Variants in DNM2 observed in about 807,000 individuals in gnomAD.
DNM2 encodes the protein dynamin 2, also known as dynamin-2.
DNM2 carries 15 observed loss-of-function variants against 99.0 expected under a neutral mutation model. The observed-to-expected ratio is 0.15, with a 90% CI of 0.10 to 0.23. The LOEUF is 0.23. Among genes scored for constraint, DNM2 ranks in the 10% least tolerant of loss-of-function variants. The pLI, the probability that DNM2 is intolerant of heterozygous loss-of-function variation, is 1.00. For synonymous variants in DNM2, 525 were observed against 481.2 expected, an observed-to-expected ratio of 1.09 and a Z score of -1.19; for missense variants, 742 against 1,189.4, an observed-to-expected ratio of 0.62 and a Z score of 5.53.
Position 10,772,742 on chromosome 19 carries a change from G to A in DNM2, c.385+114G>A. ...GGTATCATGTGCCCATTCACAAACA[G>A]TTGATATTCACACACACATAGCCCC... On this transcript the variant is annotated intron_variant, in intron 3 of 20. Coordinates refer to ENST00000389253, the MANE Select transcript of DNM2 (RefSeq NM_001005361.3). The surrounding 1 kb of genome is among the most constrained non-coding windows in gnomAD (Gnocchi z 4.9). 1.3e-6 allele frequency: 2 copies of A among 1,490,240 alleles called. No individual in the cohort carries two copies. Among genetic ancestry groups the A allele is most frequent in the South Asian group, 2.4e-5 (2 of 84,724 alleles). 92.3% of individuals were successfully genotyped at this position (1,490,240 alleles called of 1,614,324 possible). A position where few individuals can be genotyped will look rare whatever the true frequency, so the allele number is the denominator to read the frequency against.
chr19:10,757,682 C>T (rs530295355), intron 1 of DNM2, among the ~76,000 whole-genome samples: 1 of 152,270 alleles, frequency 6.6e-6, no homozygotes, highest in East Asian at 1.9e-4. Flanking sequence ...CGGTGGCTCA[C>T]ACCTGTAAAC....
intron 11 of DNM2, 68 bp downstream of exon 11, chr19:10,798,640 T>G: frequency 1.3e-6 from 2 of 1,583,780 alleles, no homozygotes; most frequent in Non-Finnish European, 1.7e-6. Context: ...TACTGTTCTG[T>G]GCATGCTGAC....
intron 1 of DNM2, among the ~76,000 whole-genome samples, chr19:10,737,636 T>C (rs184695478): frequency 6.6e-6 from 1 of 152,138 alleles, no homozygotes; most frequent in African/African-American, 2.4e-5. Flanking sequence ...CAGGCGCACG[T>C]CAACATGCCC....
Position 10,830,618 on chromosome 19 carries a change from G to A in DNM2, c.2543+240G>A. The A allele has an allele frequency of 1.6e-6, 1 of 606,244 alleles. No individual in the cohort carries two copies. Among genetic ancestry groups the A allele is most frequent in the Non-Finnish European group, 2.9e-6 (1 of 347,804 alleles). 37.6% of individuals were successfully genotyped at this position (606,244 alleles called of 1,614,324 possible). On this transcript the variant is annotated intron_variant, in intron 20 of 20. Coordinates refer to ENST00000389253, the MANE Select transcript of DNM2 (RefSeq NM_001005361.3). This position sits in a 1 kb window ranked among gnomAD's most constrained non-coding sequence, Gnocchi z 4.8. ...CCCAGCTTGCCCTCTGCCTACTGGGGTGTGCCACCAGGCAGCTGGGGAACC... is the reference window on the plus strand; with the variant it reads ...CCCAGCTTGCCCTCTGCCTACTGGGATGTGCCACCAGGCAGCTGGGGAACC...
chr19:10,737,962 G>C (rs1219235306), intron 1 of DNM2, among the ~76,000 whole-genome samples: 1 of 152,192 alleles, frequency 6.6e-6, no homozygotes, highest in Non-Finnish European at 1.5e-5. Flanking sequence ...CACTGAGCAA[G>C]ACCCACTCAG....
chr19:10,821,206 A>G (rs75323668), intron 16 of DNM2, among the ~76,000 whole-genome samples: 1,562 of 152,186 alleles, frequency 0.01, 21 homozygotes, highest in African/African-American at 0.036. Context: ...CTGGCCGTGA[A>G]AACCTTCATA....
At chr19:10,733,693 A>T (rs10408089) in intron 1 of DNM2, among the ~76,000 whole-genome samples, 6,417 of 151,902 alleles carry the variant, frequency 0.042, 464 homozygotes, top group African/African-American at 0.15. Context: ...AGCTTTGGCA[A>T]CATAACCTCT....
chr19:10,752,209 CAGAAAGG>C (rs1245637356), intron 1 of DNM2, among the ~76,000 whole-genome samples: 1 of 152,016 alleles, frequency 6.6e-6, no homozygotes, highest in Non-Finnish European at 1.5e-5. Flanking sequence ...CTAACAAAGC[CAGAAAGG>C]AAAAAGGAAA....
intron 7 of DNM2, among the ~76,000 whole-genome samples, chr19:10,787,170 C>T (rs752796399): frequency 1.4e-4 from 22 of 151,790 alleles, no homozygotes; most frequent in Admixed American, 5.3e-4. Flanking sequence ...CCCGTCTCTA[C>T]TGAAATTGCA....
At chr19:10,799,221 C>T (rs1402333567) in intron 11 of DNM2, among the ~76,000 whole-genome samples, 1 of 152,040 alleles carries the variant, frequency 6.6e-6, no homozygotes, top group Non-Finnish European at 1.5e-5. Flanking sequence ...AGCGAGACCC[C>T]GTCTCTTAAA....
intron 1 of DNM2, among the ~76,000 whole-genome samples, chr19:10,741,119 T>C (rs561623661): frequency 7.9e-4 from 120 of 152,358 alleles, no homozygotes; most frequent in Middle Eastern, 3.4e-3. Flanking sequence ...TTCCTTGTTA[T>C]CTTTTATTTG....
rs565811210 is a variant in DNM2, at chr19:10,768,575, C to A, written c.236-3904C>A. The A allele has an allele frequency of 7.9e-5, 12 of 152,470 alleles. No individual in the cohort carries two copies. The East Asian group carries it at 2.1e-3, about 27-fold the overall frequency. The allele number at this position is 152,470 out of a possible 1,614,324, so 9.4% of individuals were successfully genotyped here. ...TCCAAAGTCTGGCATGTGAGTCTGG[C>A]TGCCTGGTTCCAGCCCCATCTCGTG... On this transcript the variant is annotated intron_variant, in intron 2 of 20. Coordinates refer to ENST00000389253, the MANE Select transcript of DNM2 (RefSeq NM_001005361.3).
At position 10,774,779 on chromosome 19, in the gene DNM2, AT is replaced by A. The variant is rs546734782; in HGVS notation, c.386-909del. Among the ~76,000 whole-genome samples, 789 of 84,256 alleles carry A rather than the reference AT, an allele frequency of 9.4e-3. 6 individuals carry two copies. Among genetic ancestry groups the A allele is most frequent in the African/African-American group, 0.025 (605 of 24,200 alleles). 55.3% of individuals were successfully genotyped at this position (84,256 alleles called of 152,430 possible). On this transcript the variant is annotated intron_variant, in intron 3 of 20. Transcript: ENST00000389253. ...CAGAATGTTTCTTTATTATATATTT[AT>A]TTTTTTTTTTTTTTGAGACAGGGTT...
In DNM2 at chr19:10,772,515, T is replaced by G; in HGVS notation, c.272T>G (p.Phe91Cys). ...AEFLHCKSKKFTDFDEVRQEI... is the reference protein window; with the variant it reads ...AEFLHCKSKKCTDFDEVRQEI... ...TTTTTGCACTGCAAGTCCAAAAAGT[T>G]TACAGACTTTGATGAAGTCCGGCAG... The change falls in exon 3 of 21, where the codon TTT becomes TGT. Residue 91 changes from phenylalanine to cysteine, a missense_variant. Transcript: ENST00000389253. This position sits in a 1 kb window ranked among gnomAD's most constrained non-coding sequence, Gnocchi z 4.9. 6.2e-7 allele frequency: 1 copy of G among 1,614,160 alleles called. No individual in the cohort carries two copies. Among genetic ancestry groups the G allele is most frequent in the Non-Finnish European group, 8.5e-7 (1 of 1,180,032 alleles).
At position 10,811,884 on chromosome 19, in the gene DNM2, G is replaced by A. The variant is rs775552249; in HGVS notation, c.1558-380G>A. On this transcript the variant is annotated intron_variant, in intron 14 of 20. Coordinates refer to ENST00000389253, the MANE Select transcript of DNM2 (RefSeq NM_001005361.3). This position sits in a 1 kb window ranked among gnomAD's most constrained non-coding sequence, Gnocchi z 5.4. ...CACCTTTGACCCTAGCCCTCTGTGT[G>A]GATGCTACCCTTGGAACCTTATCTC... The A allele has an allele frequency of 2.1e-6, 1 of 484,764 alleles. No homozygotes were observed. The highest frequency in any genetic ancestry group is 4.1e-6 in the Non-Finnish European group (1 of 243,108). The allele number at this position is 484,764 out of a possible 1,614,324, so 30.0% of individuals were successfully genotyped here. A position where few individuals can be genotyped will look rare whatever the true frequency, so the allele number is the denominator to read the frequency against.
chr19:10,734,712 T>C (rs2069460236), intron 1 of DNM2, among the ~76,000 whole-genome samples: 1 of 150,936 alleles, frequency 6.6e-6, no homozygotes, highest in South Asian at 2.1e-4. Context: ...ATGAGACTAA[T>C]TTAAAAAAAA....
At chr19:10,797,614 G>A in intron 10 of DNM2, 96 bp downstream of exon 10, 1 of 1,589,012 alleles carries the variant, frequency 6.3e-7, no homozygotes, top group Non-Finnish European at 8.6e-7. Context: ...GCCTCGGCAG[G>A]AACCCCCTTC....
At chr19:10,827,596 G>A (rs550225298) in intron 18 of DNM2, among the ~76,000 whole-genome samples, 6 of 151,932 alleles carry the variant, frequency 3.9e-5, no homozygotes, top group Non-Finnish European at 5.9e-5. Context: ...TGACGGCCAG[G>A]TGTGGTGGCT....
intron 18 of DNM2, among the ~76,000 whole-genome samples, chr19:10,825,656 G>GTGTCCAACAAC: frequency 6.9e-6 from 1 of 144,732 alleles, no homozygotes; most frequent in South Asian, 2.2e-4. Flanking sequence ...GCGACAGAGT[G>GTGTCCAACAAC]AGACTCCGTC....
Sources: gnomAD v4.1 joint callset for allele counts (sites outside exome capture counted in the v4.1 genomes callset) on GRCh38, gnomAD v4.1.1 for gene constraint, Gnocchi (gnomAD v3.1) non-coding constraint, MANE v1.5 for transcripts, NCBI Gene and HGNC (gene_info 2026-07-23, HGNC 2026-07-21) for gene names.